Variants in NTNG1 observed in about 807,000 individuals in gnomAD.
NTNG1 encodes netrin-G1.
Under a neutral mutation model 54.0 loss-of-function variants are expected in NTNG1, and 16 were observed. The ratio of observed to expected loss-of-function variants is 0.30; its 90% CI spans 0.20 to 0.45. The LOEUF is 0.45. NTNG1 is among the 20% of genes least tolerant of loss of function. NTNG1 has a pLI of 1.00. For synonymous variants in NTNG1, 255 were observed against 263.1 expected, an observed-to-expected ratio of 0.97 and a Z score of 0.30; for missense variants, 530 against 678.7, an observed-to-expected ratio of 0.78 and a Z score of 2.43.
intron 5 of NTNG1, among the ~76,000 whole-genome samples, chr1:107,419,311 C>A (rs1486969004): frequency 1.3e-5 from 2 of 151,496 alleles, no homozygotes; most frequent in Non-Finnish European, 2.9e-5. Flanking sequence ...CTTTTATCTT[C>A]TTTATCAATT....
intron 4 of NTNG1, among the ~76,000 whole-genome samples, chr1:107,405,219 AATG>A (rs896256859): frequency 6.6e-6 from 1 of 152,194 alleles, no homozygotes; most frequent in African/African-American, 2.4e-5. Context: ...AGAAAAAAAT[AATG>A]ATATTTTAAA....
chr1:107,402,297 C>T (rs1673093725), intron 4 of NTNG1, among the ~76,000 whole-genome samples: 1 of 152,154 alleles, frequency 6.6e-6, no homozygotes, highest in Admixed American at 6.5e-5. Flanking sequence ...ACCCATCCAT[C>T]CTGCCTCAGG....
intron 3 of NTNG1, among the ~76,000 whole-genome samples, chr1:107,386,410 G>T (rs1236563912): frequency 6.6e-6 from 1 of 152,004 alleles, no homozygotes; most frequent in Admixed American, 6.6e-5. Context: ...CTGACCTCAA[G>T]TGATCTGCCT....
At chr1:107,187,267 C>T (rs1311113823) in intron 2 of NTNG1, among the ~76,000 whole-genome samples, 1 of 152,034 alleles carries the variant, frequency 6.6e-6, no homozygotes, top group Non-Finnish European at 1.5e-5. Flanking sequence ...CCCTAGCACC[C>T]AATGCAGTAC....
At chr1:107,141,304 G>A (rs1487429358) in intron 1 of NTNG1, 164 bp downstream of exon 1, 4 of 150,824 alleles carry the variant, frequency 2.7e-5, no homozygotes, top group Non-Finnish European at 1.5e-5. Context: ...GCCTGGGGAG[G>A]AGGCTCCGCG....
chr1:107,394,655 T>C (rs1439724566), intron 3 of NTNG1, among the ~76,000 whole-genome samples: 1 of 152,168 alleles, frequency 6.6e-6, no homozygotes, highest in African/African-American at 2.4e-5. Context: ...ATTTCTTGGG[T>C]TTCTAAGAAT....
In NTNG1 at chr1:107,212,138, G is replaced by A. The variant is rs114768268; in HGVS notation, c.246+63299G>A. On this transcript the variant is annotated intron_variant, in intron 2 of 7. Transcript: ENST00000370068. ...TATGAGAACTAGAAGGTGTAGGGGA[G>A]TTGGTCAGAACTATAGAGCAAGTAG... Among the ~76,000 whole-genome samples the A allele has an allele frequency of 3.8e-3, 583 of 152,242 alleles. 4 individuals carry two copies. The highest frequency in any genetic ancestry group is 0.013 in the African/African-American group (551 of 41,534).
chr1:107,303,680 T>G (rs1666467678), intron 2 of NTNG1, among the ~76,000 whole-genome samples: 1 of 152,112 alleles, frequency 6.6e-6, no homozygotes, highest in Admixed American at 6.5e-5. Flanking sequence ...GAGTGTTTCT[T>G]TTTTTGTTTG....
chr1:107,189,461 G>GA (rs963880801), intron 2 of NTNG1, among the ~76,000 whole-genome samples: 23 of 133,400 alleles, frequency 1.7e-4, no homozygotes, highest in East Asian at 9.6e-4. Flanking sequence ...CAGTGGTCTT[G>GA]AAAAAAAAAA....
intron 3 of NTNG1, among the ~76,000 whole-genome samples, chr1:107,388,224 A>G (rs1268506541): frequency 6.6e-6 from 1 of 152,220 alleles, no homozygotes; most frequent in Non-Finnish European, 1.5e-5. Flanking sequence ...CTATAGAAAT[A>G]ATAAAGGAAA....
At chr1:107,276,999 C>T (rs1664523185) in intron 2 of NTNG1, among the ~76,000 whole-genome samples, 2 of 152,096 alleles carry the variant, frequency 1.3e-5, no homozygotes, top group South Asian at 4.2e-4. Context: ...CTGGGGGAGG[C>T]TGGGAAATTT....
intron 7 of NTNG1, among the ~76,000 whole-genome samples, chr1:107,455,224 C>A (rs568590136): frequency 1.4e-3 from 215 of 152,244 alleles, no homozygotes; most frequent in African/African-American, 5.0e-3. Context: ...CCACCATGCC[C>A]GGCTAATTTT....
At chr1:107,161,660 CAAAAAAAA>C (rs35347655) in intron 2 of NTNG1, among the ~76,000 whole-genome samples, 19 of 95,306 alleles carry the variant, frequency 2.0e-4, no homozygotes, top group South Asian at 7.3e-4. Flanking sequence ...AACTGTGTCT[CAAAAAAAA>C]AAAAAGAAAA....
At chr1:107,457,433 G>A (rs1432333831) in intron 7 of NTNG1, among the ~76,000 whole-genome samples, 1 of 152,170 alleles carries the variant, frequency 6.6e-6, no homozygotes, top group African/African-American at 2.4e-5. Flanking sequence ...ACAGATATGA[G>A]CATTCATCCA....
chr1:107,410,208 T>C (rs1217721081), intron 5 of NTNG1: 1 of 152,156 alleles, frequency 6.6e-6, no homozygotes, highest in African/African-American at 2.4e-5. Context: ...AAATAAATGA[T>C]GTATATTATC....
rs766834230 is a variant in NTNG1, at chr1:107,148,767, A to G, written c.174A>G (p.Thr58=). 6.2e-7 allele frequency: 1 copy of G among 1,613,770 alleles called. No individual in the cohort carries two copies. Among genetic ancestry groups the G allele is most frequent in the South Asian group, 1.1e-5 (1 of 91,078 alleles). The change falls in exon 2 of 8, where the codon ACA becomes ACG. Residue 58 remains threonine (T), a synonymous_variant. Coordinates refer to ENST00000370068, the MANE Select transcript of NTNG1 (RefSeq NM_001113226.3). ...GCCAGCCGGAATCCACGGACATGAC[A>G]AAATATCTGAAAGTGAAACTCGATC... ...MACQPESTDM[T]KYLKVKLDPP... is the part of the protein sequence containing the mutation.
At chr1:107,444,562 T>A (rs1005185188) in intron 7 of NTNG1, among the ~76,000 whole-genome samples, 1 of 152,128 alleles carries the variant, frequency 6.6e-6, no homozygotes, top group African/African-American at 2.4e-5. Flanking sequence ...TATTTAGCCA[T>A]CCTGTGCTCA....
At chr1:107,249,159 C>CAAT (rs71095305) in intron 2 of NTNG1, among the ~76,000 whole-genome samples, 15,230 of 143,632 alleles carry the variant, frequency 0.11, 980 homozygotes, top group African/African-American at 0.17. Flanking sequence ...GACTCTATCT[C>CAAT]AATAATAATA....
At chr1:107,240,104 T>C (rs919521040) in intron 2 of NTNG1, among the ~76,000 whole-genome samples, 2 of 152,120 alleles carry the variant, frequency 1.3e-5, no homozygotes, top group African/African-American at 4.8e-5. Flanking sequence ...GGTATGATGA[T>C]ACAATAGAGA....
Sources: gnomAD v4.1 joint callset for allele counts (sites outside exome capture counted in the v4.1 genomes callset) on GRCh38, gnomAD v4.1.1 for gene constraint, MANE v1.5 for transcripts, NCBI Gene and HGNC (gene_info 2026-07-23, HGNC 2026-07-21) for gene names.